WDR49: variants seen among roughly 807,000 people sequenced by gnomAD.
WDR49 encodes cilia- and flagella-associated protein 337.
WDR49 carries 107 observed loss-of-function variants against 119.5 expected under a neutral mutation model. That is an observed-to-expected ratio of 0.90 (90% CI 0.77 to 1.05). The LOEUF (loss-of-function observed/expected upper bound fraction) is 1.05, where lower values mean the gene tolerates loss of function less well. Ranked by LOEUF, WDR49 falls within the 50% of genes least tolerant of loss-of-function variation. WDR49 has a pLI of 0.00. For missense variants in WDR49, 1,240 were observed against 1,220.5 expected (o/e 1.02, Z -0.24); for synonymous variants, 425 against 418.8 (o/e 1.01, Z -0.18).
rs373539248 is a variant in WDR49, at chr3:167,576,027, G to A, written c.1400C>T (p.Ser467Leu). 4.6e-5 allele frequency: 75 copies of A among 1,613,958 alleles called. No individual in the cohort carries two copies. Among genetic ancestry groups the A allele is most frequent in the Non-Finnish European group, 5.3e-5 (63 of 1,180,012 alleles). Residue 467 changes from serine (S) to leucine (L), a missense_variant, in exon 8 of 19, where the codon TCG (serine) becomes TTG (leucine). By Grantham distance (145) the Ser-to-Leu change is moderately radical. Transcript: ENST00000682715. The stretch of plus-strand genomic sequence containing the variant: ...CAACAATGCTAGCTGGTTATTAAAC[G>A]AGATGAAAAGTCGTCCATGGGCTTC... Reference protein sequence around the residue: ...FDEAHGRLFISFNNQLALLAM... With the variant: ...FDEAHGRLFILFNNQLALLAM...
Position 167,551,295 on chromosome 3 carries a change from G to T in WDR49, c.1823+3355C>A, listed in dbSNP as rs567071912. On this transcript the variant is annotated intron_variant, in intron 10 of 18. Coordinates refer to ENST00000682715, the MANE Select transcript of WDR49 (RefSeq NM_001366157.1). ...AGTATACTGTAGTTTCTAACTCAGG[G>T]CTTTCAACCTAGGTGCAATTAAAAA... Among the ~76,000 whole-genome samples the T allele has an allele frequency of 2.6e-5, 4 of 152,002 alleles. No individual in the cohort carries two copies. In the South Asian group the frequency reaches 6.2e-4, roughly 24 times the overall value.
At chr3:167,495,883 GAAAAAA>G in intron 18 of WDR49, among the ~76,000 whole-genome samples, 18 of 71,220 alleles carry the variant, frequency 2.5e-4, no homozygotes, top group Non-Finnish European at 3.5e-4. Flanking sequence ...TTAAAAATTT[GAAAAAA>G]AAAAAAAAAA....
intron 16 of WDR49, among the ~76,000 whole-genome samples, chr3:167,511,936 T>C (rs1751991997): frequency 6.6e-6 from 1 of 151,848 alleles, no homozygotes; most frequent in Non-Finnish European, 1.5e-5. Context: ...CAGCCAGGGG[T>C]TTATAGGCAG....
chr3:167,620,208 A>G (rs1254262612), intron 5 of WDR49, among the ~76,000 whole-genome samples: 1 of 152,020 alleles, frequency 6.6e-6, no homozygotes, highest in Non-Finnish European at 1.5e-5. Flanking sequence ...CACATTGGTC[A>G]CCTGAATTAA....
intron 7 of WDR49, among the ~76,000 whole-genome samples, chr3:167,589,449 G>A (rs1037112107): frequency 4.6e-5 from 7 of 151,976 alleles, no homozygotes; most frequent in Non-Finnish European, 7.4e-5. Flanking sequence ...TAAATTTTAG[G>A]ATTGTTTTTC....
At chr3:167,505,270 ATAT>A (rs1439672106) in intron 17 of WDR49, 34 bp downstream of exon 17, 1 of 1,423,542 alleles carries the variant, frequency 7.0e-7, no homozygotes, top group Non-Finnish European at 9.2e-7. Flanking sequence ...CTGTTAAATA[ATAT>A]TATAAAAATA....
intron 10 of WDR49, among the ~76,000 whole-genome samples, chr3:167,542,346 C>A (rs1711898199): frequency 6.6e-6 from 1 of 152,066 alleles, no homozygotes; most frequent in African/African-American, 2.4e-5. Flanking sequence ...TCCTTTTCAT[C>A]AGCACATGGA....
chr3:167,600,689 G>C (rs1476054989), intron 7 of WDR49, among the ~76,000 whole-genome samples: 1 of 152,118 alleles, frequency 6.6e-6, no homozygotes, highest in African/African-American at 2.4e-5. Context: ...AATGCAACAG[G>C]AGCACACAGA....
chr3:167,519,611 A>G (rs546128386), intron 16 of WDR49, among the ~76,000 whole-genome samples: 1 of 151,866 alleles, frequency 6.6e-6, no homozygotes, highest in Non-Finnish European at 1.5e-5. Flanking sequence ...AAGGAGGGGA[A>G]CAACACACAC....
At position 167,563,373 on chromosome 3, in the gene WDR49, A is replaced by G. The variant is rs980588353; in HGVS notation, c.1510-3145T>C. Among the ~76,000 whole-genome samples, 671 of 136,348 alleles carry G rather than the reference A, an allele frequency of 4.9e-3. 4 individuals carry two copies. The highest frequency in any genetic ancestry group is 0.023 in the African/African-American group (645 of 27,700). The allele number at this position is 136,348 out of a possible 152,430, so 89.4% of individuals were successfully genotyped here. ...TGAATCAAAAAAAAAAAAAAAAAAA[A>G]AAAAGAAAGAAACCTGATTTTAGAT... On this transcript the variant is annotated intron_variant, in intron 8 of 18. Coordinates refer to ENST00000682715, the MANE Select transcript of WDR49 (RefSeq NM_001366157.1).
intron 7 of WDR49, among the ~76,000 whole-genome samples, chr3:167,600,684 A>G (rs13059974): frequency 6.6e-6 from 1 of 152,200 alleles, no homozygotes; most frequent in Non-Finnish European, 1.5e-5. Context: ...ACACAAATGC[A>G]ACAGGAGCAC....
At position 167,522,372 on chromosome 3, in the gene WDR49, A is replaced by G. The variant is rs1415034357; in HGVS notation, c.2717T>C (p.Leu906Ser). The G allele has an allele frequency of 6.2e-7, 1 of 1,609,504 alleles. No homozygotes were observed. Among genetic ancestry groups the G allele is most frequent in the Admixed American group, 1.7e-5 (1 of 58,970 alleles). The part of the protein sequence containing the change: ...ISLFSKEESC[L>S]DPTEHSLLNK... ...AAGTAGAGAATGTTCTGTTGGGTCT[A>G]AACAAGATTCCTCCTTAGAAAATAA... Residue 906 changes from leucine (L) to serine (S), a missense_variant, in exon 16 of 19, where the codon TTA becomes TCA. By Grantham distance (145) the Leu-to-Ser change is moderately radical. Coordinates refer to ENST00000682715, the MANE Select transcript of WDR49 (RefSeq NM_001366157.1).
chr3:167,595,346 C>T (rs1423587244), intron 7 of WDR49, among the ~76,000 whole-genome samples: 6 of 151,948 alleles, frequency 3.9e-5, no homozygotes, highest in Non-Finnish European at 7.4e-5. Flanking sequence ...AATGACTTTC[C>T]TCACAGAATT....
chr3:167,616,059 A>G (rs1716581589), intron 5 of WDR49, among the ~76,000 whole-genome samples: 1 of 152,240 alleles, frequency 6.6e-6, no homozygotes, highest in Admixed American at 6.5e-5. Context: ...CTTGGGATGG[A>G]TCTAGATAAC....
chr3:167,562,237 T>G (rs1241337257), intron 8 of WDR49, among the ~76,000 whole-genome samples: 1 of 152,160 alleles, frequency 6.6e-6, no homozygotes, highest in East Asian at 1.9e-4. Flanking sequence ...TAAAGATACT[T>G]CTTGCAGCAA....
At chr3:167,520,676 G>T (rs140788863) in intron 16 of WDR49, among the ~76,000 whole-genome samples, 1 of 152,144 alleles carries the variant, frequency 6.6e-6, no homozygotes, top group South Asian at 2.1e-4. Context: ...ATGTGTCAGC[G>T]GAGGTTCAAA....
intron 8 of WDR49, among the ~76,000 whole-genome samples, chr3:167,566,006 G>C (rs116225091): frequency 0.022 from 3,292 of 152,160 alleles, 75 homozygotes; most frequent in Non-Finnish European, 0.024. Flanking sequence ...TAGAGGAATT[G>C]AATCACCCAC....
chr3:167,496,933 ACT>A (rs1751377721), intron 18 of WDR49, among the ~76,000 whole-genome samples: 1 of 151,932 alleles, frequency 6.6e-6, no homozygotes, highest in African/African-American at 2.4e-5. Context: ...TAAATGTAAA[ACT>A]CAGTTAATGT....
At chr3:167,622,239 G>C (rs1443742443) in intron 3 of WDR49, among the ~76,000 whole-genome samples, 2 of 151,910 alleles carry the variant, frequency 1.3e-5, no homozygotes, top group African/African-American at 4.8e-5. Context: ...ATCTAAAGAA[G>C]CAAAGGAAAG....
Sources: gnomAD v4.1 joint callset for allele counts (sites outside exome capture counted in the v4.1 genomes callset) on GRCh38, gnomAD v4.1.1 for gene constraint, MANE v1.5 for transcripts, NCBI Gene and HGNC (gene_info 2026-07-23, HGNC 2026-07-21) for gene names.